SNTG1: variants seen among roughly 807,000 people sequenced by gnomAD.
SNTG1 encodes the protein gamma-1-syntrophin.
SNTG1 carries 39 observed loss-of-function variants against 74.7 expected under a neutral mutation model. The observed-to-expected ratio is 0.52, with a 90% CI of 0.40 to 0.68. The LOEUF (loss-of-function observed/expected upper bound fraction) is 0.68, where lower values mean the gene tolerates loss of function less well. SNTG1 is among the 30% of genes least tolerant of loss of function. The probability of loss-of-function intolerance (pLI) is 0.00; values close to 1 mark genes in which losing one functional copy is unlikely to be tolerated. For missense variants in SNTG1, 685 were observed against 609.5 expected, an observed-to-expected ratio of 1.12 and a Z score of -1.30; for synonymous variants, 254 against 217.1, an observed-to-expected ratio of 1.17 and a Z score of -1.49.
At chr8:50,131,532 T>C (rs2081317047) in intron 1 of SNTG1, among the ~76,000 whole-genome samples, 1 of 152,154 alleles carries the variant, frequency 6.6e-6, no homozygotes, top group African/African-American at 2.4e-5. Context: ...TAATATTCCA[T>C]TGTACATATG....
At chr8:50,289,464 A>T (rs1400846638) in intron 2 of SNTG1, among the ~76,000 whole-genome samples, 1 of 152,182 alleles carries the variant, frequency 6.6e-6, no homozygotes, top group Non-Finnish European at 1.5e-5. Context: ...CCTCTTGCTT[A>T]TACCTTAGTT....
intron 1 of SNTG1, among the ~76,000 whole-genome samples, chr8:50,146,822 A>G (rs1296305216): frequency 1.3e-5 from 2 of 152,096 alleles, no homozygotes; most frequent in East Asian, 1.9e-4. Flanking sequence ...TATGTCTTCT[A>G]TGGTTAAGTG....
intron 2 of SNTG1, among the ~76,000 whole-genome samples, chr8:50,340,102 T>C (rs1358076795): frequency 6.6e-6 from 1 of 152,042 alleles, no homozygotes; most frequent in Non-Finnish European, 1.5e-5. Context: ...AGATATTCCA[T>C]ATTTATGGGT....
chr8:50,212,620 C>G (rs1346643596), intron 2 of SNTG1, among the ~76,000 whole-genome samples: 1 of 152,132 alleles, frequency 6.6e-6, no homozygotes, highest in Non-Finnish European at 1.5e-5. Context: ...GATAAGTATT[C>G]TGTTTTCCTA....
rs1245597948 is a variant in SNTG1 at position 50,375,095 on chromosome 8, G to T, written c.-27-19117G>T. On this transcript the variant is annotated intron_variant, in intron 2 of 18. Transcript: ENST00000642720. ...GATTTGGTCCTTGGTTTGCTGTTGG[G>T]GATCTCTCCTGTAGAAGATTCTTGA... is the stretch of plus-strand genomic sequence containing the variant. 2.0e-5 allele frequency among the ~76,000 whole-genome samples: 3 copies of T among 152,104 alleles called. No homozygotes were observed. The East Asian group carries it at 5.8e-4, about 29-fold the overall frequency.
At chr8:49,919,316 G>A (rs1459816359) in intron 1 of SNTG1, among the ~76,000 whole-genome samples, 1 of 151,974 alleles carries the variant, frequency 6.6e-6, no homozygotes, top group South Asian at 2.1e-4. Flanking sequence ...CTGATTGAGG[G>A]GTATTAGTTA....
chr8:50,178,061 T>C (rs183367181), intron 2 of SNTG1, among the ~76,000 whole-genome samples: 1 of 152,322 alleles, frequency 6.6e-6, no homozygotes, highest in Admixed American at 6.5e-5. Flanking sequence ...ATTTTTTTCC[T>C]AAAAATATGG....
At chr8:50,043,449 A>C (rs546238282) in intron 1 of SNTG1, among the ~76,000 whole-genome samples, 1 of 152,356 alleles carries the variant, frequency 6.6e-6, no homozygotes, top group Admixed American at 6.5e-5. Flanking sequence ...GAAACCATTT[A>C]CATGACCTTT....
chr8:50,795,612 G>T lies in SNTG1; in HGVS notation c.*2783G>T, dbSNP rs1279271642. 1 of 151,774 alleles carries T rather than the reference G, an allele frequency of 6.6e-6. No homozygotes were observed. Among genetic ancestry groups the T allele is most frequent in the Non-Finnish European group, 1.5e-5 (1 of 67,862 alleles). The allele number at this position is 151,774 out of a possible 1,614,324, so 9.4% of individuals were successfully genotyped here. On this transcript the variant is annotated 3_prime_UTR_variant, in exon 19 of 19. Coordinates refer to ENST00000642720, the MANE Select transcript of SNTG1 (RefSeq NM_018967.5). ...GAGTGTGTAAGTGTTATCATTAAAG[G>T]GTTCATTACAGTGTACATAACACAA...
chr8:50,763,738 G>A (rs1298391276), intron 18 of SNTG1, among the ~76,000 whole-genome samples: 2 of 145,306 alleles, frequency 1.4e-5, no homozygotes, highest in Non-Finnish European at 3.0e-5. Flanking sequence ...TCAGGGATTG[G>A]AAAAATTAAT....
At chr8:50,165,635 A>G (rs2082586660) in intron 1 of SNTG1, among the ~76,000 whole-genome samples, 1 of 152,186 alleles carries the variant, frequency 6.6e-6, no homozygotes, top group Admixed American at 6.5e-5. Flanking sequence ...AATTGCTGCC[A>G]CTATGGCCAT....
intron 5 of SNTG1, 34 bp from the exon 6 acceptor site, chr8:50,449,634 T>C: frequency 1.3e-6 from 2 of 1,522,056 alleles, no homozygotes; most frequent in Non-Finnish European, 1.8e-6. Context: ...TTTTTTTAGA[T>C]TAAAAAGTAC....
intron 13 of SNTG1, among the ~76,000 whole-genome samples, chr8:50,621,734 A>G (rs2094924744): frequency 6.6e-6 from 1 of 152,212 alleles, no homozygotes. Flanking sequence ...TTCAGTACAC[A>G]TAGATAGCTT....
rs183019367 is a variant in SNTG1 at position 50,651,423 on chromosome 8, T to C, written c.850-5486T>C. ...TCAAGTTTGATATTTCATATTTCAT[T>C]GTATTTTAGTTCAAACTATTTTTTA... On this transcript the variant is annotated intron_variant, in intron 13 of 18. Transcript: ENST00000642720. Among the ~76,000 whole-genome samples, 893 of 152,264 alleles carry C rather than the reference T, an allele frequency of 5.9e-3. 1 individual carries two copies. The highest frequency in any genetic ancestry group is 0.027 in the Middle Eastern group (8 of 294).
chr8:50,185,646 T>C (rs1436151007), intron 2 of SNTG1, among the ~76,000 whole-genome samples: 1 of 152,144 alleles, frequency 6.6e-6, no homozygotes, highest in Non-Finnish European at 1.5e-5. Flanking sequence ...GCAAATAATA[T>C]ATGTTAATTG....
intron 4 of SNTG1, among the ~76,000 whole-genome samples, chr8:50,411,745 G>A (rs570194936): frequency 6.6e-6 from 1 of 152,186 alleles, no homozygotes; most frequent in South Asian, 2.1e-4. Context: ...GGACATTTAC[G>A]TTCCTAATTT....
At chr8:50,471,993 A>T (rs2093657686) in intron 8 of SNTG1, among the ~76,000 whole-genome samples, 1 of 152,160 alleles carries the variant, frequency 6.6e-6, no homozygotes, top group Admixed American at 6.5e-5. Context: ...AACTTAATGA[A>T]GGAGGCAAAA....
intron 1 of SNTG1, among the ~76,000 whole-genome samples, chr8:49,917,971 A>C (rs2129339832): frequency 6.6e-6 from 1 of 152,274 alleles, no homozygotes; most frequent in South Asian, 2.1e-4. Context: ...TTTCATTGTT[A>C]AAATTTTGCA....
At chr8:50,055,315 G>T (rs565508446) in intron 1 of SNTG1, among the ~76,000 whole-genome samples, 2 of 152,094 alleles carry the variant, frequency 1.3e-5, no homozygotes, top group African/African-American at 4.8e-5. Flanking sequence ...CTACCTCTGG[G>T]AAAGCAAGAA....
Sources: gnomAD v4.1 joint callset for allele counts (sites outside exome capture counted in the v4.1 genomes callset) on GRCh38, gnomAD v4.1.1 for gene constraint, MANE v1.5 for transcripts, NCBI Gene and HGNC (gene_info 2026-07-23, HGNC 2026-07-21) for gene names.